The following FILIP1L variants were observed in gnomAD, a reference collection of about 807,000 sequenced individuals.
The protein encoded by FILIP1L is filamin A-interacting protein 1-like.
Under a neutral mutation model 96.6 loss-of-function variants are expected in FILIP1L, and 55 were observed. The observed-to-expected ratio is 0.57, with a 90% CI of 0.46 to 0.71. FILIP1L has a LOEUF of 0.71. Among genes scored for constraint, FILIP1L ranks in the 30% least tolerant of loss-of-function variants. The pLI is 0.00. For synonymous variants in FILIP1L, 467 were observed against 473.9 expected, an observed-to-expected ratio of 0.99 and a Z score of 0.19; for missense variants, 1,304 against 1,321.2, an observed-to-expected ratio of 0.99 and a Z score of 0.20.
chr3:99,983,481 T>C (rs1464017500), intron 1 of FILIP1L, among the ~76,000 whole-genome samples: 3 of 20,712 alleles, frequency 1.4e-4, no homozygotes, highest in Non-Finnish European at 3.1e-4. Flanking sequence ...TATATATATA[T>C]ATATATATAT....
In FILIP1L at chr3:99,984,160, T is replaced by G. The variant is rs1709262904; in HGVS notation, c.-10-53130A>C. On this transcript the variant is annotated intron_variant, in intron 1 of 5. Coordinates refer to ENST00000477258, the MANE Select transcript of FILIP1L (RefSeq NM_001387850.1). Reference sequence around the variant, plus strand: ...TTCTGGAAGTCCATCACAAATTGGCTTAAGCAGAATTTTTAAAAAGTGAAA... The same window carrying G: ...TTCTGGAAGTCCATCACAAATTGGCGTAAGCAGAATTTTTAAAAAGTGAAA... 3.9e-5 allele frequency among the ~76,000 whole-genome samples: 6 copies of G among 152,214 alleles called. No individual in the cohort carries two copies. In the South Asian group the frequency reaches 8.3e-4, roughly 21 times the overall value.
intron 1 of FILIP1L, among the ~76,000 whole-genome samples, chr3:100,113,460 C>T (rs2066523862): frequency 1.3e-5 from 2 of 152,200 alleles, no homozygotes; most frequent in South Asian, 4.1e-4. Context: ...ATCTCAGAAA[C>T]CTGCTTCTGT....
At chr3:100,017,051 CAT>C (rs914939991) in intron 1 of FILIP1L, among the ~76,000 whole-genome samples, 9 of 152,194 alleles carry the variant, frequency 5.9e-5, no homozygotes, top group South Asian at 2.1e-4. Flanking sequence ...CAGTTTCTCA[CAT>C]GTGTGTATAA....
At chr3:100,048,006 G>T (rs2065305443) in intron 1 of FILIP1L, among the ~76,000 whole-genome samples, 1 of 152,100 alleles carries the variant, frequency 6.6e-6, no homozygotes, top group Non-Finnish European at 1.5e-5. Flanking sequence ...GAAACACTGG[G>T]CCATAGCTTG....
chr3:100,071,090 C>CTT (rs61563009), intron 1 of FILIP1L, among the ~76,000 whole-genome samples: 29,889 of 71,256 alleles, frequency 0.42, 6,038 homozygotes, highest in Middle Eastern at 0.48. Flanking sequence ...GCTACTCTCT[C>CTT]TTTTTTTTTT....
chr3:99,969,934 A>G (rs143950616), intron 1 of FILIP1L, among the ~76,000 whole-genome samples: 145 of 152,352 alleles, frequency 9.5e-4, no homozygotes, highest in African/African-American at 3.2e-3. Context: ...ATGAGAAAAG[A>G]TAATTGGATA....
intron 1 of FILIP1L, among the ~76,000 whole-genome samples, chr3:100,065,966 A>G (rs1313922376): frequency 6.6e-6 from 1 of 152,232 alleles, no homozygotes; most frequent in East Asian, 1.9e-4. Flanking sequence ...GGACCTTCTG[A>G]ATCAGAAACT....
intron 1 of FILIP1L, among the ~76,000 whole-genome samples, chr3:99,933,440 C>G (rs1335154289): frequency 1.3e-5 from 2 of 152,058 alleles, no homozygotes; most frequent in Non-Finnish European, 2.9e-5. Flanking sequence ...TTGGGAAAAA[C>G]CTCATTGTGT....
intron 4 of FILIP1L, among the ~76,000 whole-genome samples, chr3:99,923,565 C>T (rs181688755): frequency 2.6e-4 from 39 of 152,278 alleles, no homozygotes; most frequent in South Asian, 2.1e-4. Context: ...GTAGTTCATG[C>T]GCACACCCCC....
At chr3:99,848,244 T>C (rs1396074952) in intron 5 of FILIP1L, 51 bp downstream of exon 5, 5 of 1,595,286 alleles carry the variant, frequency 3.1e-6, no homozygotes, top group Non-Finnish European at 3.4e-6. Flanking sequence ...TGCAAAAATA[T>C]CAGTATGGAC....
At chr3:99,950,233 T>C (rs1361239107) in intron 1 of FILIP1L, among the ~76,000 whole-genome samples, 1 of 152,220 alleles carries the variant, frequency 6.6e-6, no homozygotes, top group East Asian at 1.9e-4. Flanking sequence ...TTTCTCTGTG[T>C]CCATGCTATG....
intron 1 of FILIP1L, among the ~76,000 whole-genome samples, chr3:100,013,549 G>A (rs1710229448): frequency 6.6e-6 from 1 of 152,136 alleles, no homozygotes; most frequent in African/African-American, 2.4e-5. Context: ...CGGCTGGCCA[G>A]TGAGTTTTAT....
intron 1 of FILIP1L, among the ~76,000 whole-genome samples, chr3:100,080,400 T>C (rs962112141): frequency 6.6e-6 from 1 of 152,188 alleles, no homozygotes; most frequent in African/African-American, 2.4e-5. Context: ...TCTCAGACTT[T>C]AGTGAGCATA....
chr3:100,021,732 G>A (rs535168908), intron 1 of FILIP1L, among the ~76,000 whole-genome samples: 1 of 152,224 alleles, frequency 6.6e-6, no homozygotes, highest in South Asian at 2.1e-4. Flanking sequence ...GCTTTGTAAA[G>A]GGAACCTCCC....
At position 99,903,347 on chromosome 3, in the gene FILIP1L, G is replaced by A. The variant is rs1163846526; in HGVS notation, c.605+20883C>T. Among the ~76,000 whole-genome samples, 3 of 152,176 alleles carry A rather than the reference G, an allele frequency of 2.0e-5. 1 individual carries two copies. The highest frequency in any genetic ancestry group is 7.2e-5 in the African/African-American group (3 of 41,522). Reference sequence around the variant, plus strand: ...GCTCACTGCAACCTCCGCCTCCCGGGTTCAAGCAATTCTCCTGCCTCAGCC... The same window carrying A: ...GCTCACTGCAACCTCCGCCTCCCGGATTCAAGCAATTCTCCTGCCTCAGCC... On this transcript the variant is annotated intron_variant, in intron 4 of 5. Coordinates refer to ENST00000477258, the MANE Select transcript of FILIP1L (RefSeq NM_001387850.1).
chr3:100,044,130 A>C (rs2065245139), intron 1 of FILIP1L, among the ~76,000 whole-genome samples: 1 of 152,230 alleles, frequency 6.6e-6, no homozygotes, highest in South Asian at 2.1e-4. Context: ...AGAACAAGAC[A>C]CATTGAGATT....
chr3:100,034,809 C>G (rs1368294037), intron 1 of FILIP1L, among the ~76,000 whole-genome samples: 1 of 152,106 alleles, frequency 6.6e-6, no homozygotes, highest in East Asian at 1.9e-4. Flanking sequence ...AATATGCAGC[C>G]TTAGGAGAAT....
At chr3:99,989,236 CTG>C (rs1453907705) in intron 1 of FILIP1L, among the ~76,000 whole-genome samples, 9 of 152,176 alleles carry the variant, frequency 5.9e-5, no homozygotes, top group Non-Finnish European at 8.8e-5. Context: ...AAGCCAACCT[CTG>C]TTCTGATTCC....
Position 99,850,886 on chromosome 3 carries a change from T to G in FILIP1L, c.790A>C (p.Thr264Pro). 6.2e-7 allele frequency: 1 copy of G among 1,614,206 alleles called. No homozygotes were observed. Among genetic ancestry groups the G allele is most frequent in the Non-Finnish European group, 8.5e-7 (1 of 1,180,028 alleles). Residue 264 changes from threonine (T) to proline (P), a missense_variant, in exon 5 of 6, where the codon ACC becomes CCC. Coordinates refer to ENST00000477258, the MANE Select transcript of FILIP1L (RefSeq NM_001387850.1). ...TLQRQKIQELTTNAKETHTKL... is the reference protein window; with the variant it reads ...TLQRQKIQELPTNAKETHTKL... ...GTATGTGTTTCCTTTGCATTTGTGG[T>G]CAGCTCTTGGATTTTCTGTCTTTGA...
Sources: gnomAD v4.1 joint callset for allele counts (sites outside exome capture counted in the v4.1 genomes callset) on GRCh38, gnomAD v4.1.1 for gene constraint, MANE v1.5 for transcripts, NCBI Gene and HGNC (gene_info 2026-07-23, HGNC 2026-07-21) for gene names.